Variants in DNAI4 observed in about 807,000 individuals in gnomAD.
The protein encoded by DNAI4 is dynein axonemal intermediate chain 4.
DNAI4 carries 85 observed loss-of-function variants against 105.8 expected under a neutral mutation model. The ratio of observed to expected loss-of-function variants is 0.80; its 90% CI spans 0.67 to 0.96. The LOEUF (loss-of-function observed/expected upper bound fraction) is 0.96. Ranked by LOEUF, DNAI4 falls within the 40% of genes least tolerant of loss-of-function variation. The probability of loss-of-function intolerance (pLI) is 0.00; values close to 1 mark genes in which losing one functional copy is unlikely to be tolerated. For synonymous variants in DNAI4, 352 were observed against 331.5 expected (o/e 1.06, Z -0.67); for missense variants, 1,014 against 1,005.6 (o/e 1.01, Z -0.11).
chr1:66,873,804 C>A (rs1569695011), intron 5 of DNAI4, among the ~76,000 whole-genome samples: 1 of 150,698 alleles, frequency 6.6e-6, no homozygotes, highest in Non-Finnish European at 1.5e-5. Context: ...CATTTCTCCC[C>A]TTCTGATTTC....
chr1:66,889,266 C>A (rs770471628), intron 4 of DNAI4, among the ~76,000 whole-genome samples: 10 of 152,162 alleles, frequency 6.6e-5, no homozygotes, highest in African/African-American at 1.7e-4. Flanking sequence ...ATAAAGGAAG[C>A]GGAATGGCTT....
At chr1:66,871,624 A>G (rs1311772578) in intron 5 of DNAI4, 115 bp from the exon 6 acceptor site, 4 of 1,066,706 alleles carry the variant, frequency 3.7e-6, no homozygotes, top group Non-Finnish European at 5.2e-6. Flanking sequence ...TGCACCAAAA[A>G]GTGAAGTGAG....
intron 7 of DNAI4, among the ~76,000 whole-genome samples, chr1:66,861,938 A>C (rs1569621572): frequency 6.6e-6 from 1 of 152,322 alleles, no homozygotes; most frequent in East Asian, 1.9e-4. Context: ...GAAAGAGACA[A>C]ACTGAAAATT....
intron 14 of DNAI4, among the ~76,000 whole-genome samples, chr1:66,827,371 C>T (rs1194132874): frequency 1.3e-5 from 2 of 151,580 alleles, no homozygotes; most frequent in Non-Finnish European, 2.9e-5. Context: ...AGATATATAG[C>T]CAGGTGCAGT....
rs548130366 is a variant in DNAI4, at chr1:66,882,950, T to G, written c.644-8013A>C. 2.6e-5 allele frequency among the ~76,000 whole-genome samples: 4 copies of G among 152,244 alleles called. No homozygotes were observed. The East Asian group carries it at 7.7e-4, about 29-fold the overall frequency. ...ATGAAATTCATTTATTTATTTTTTTTTACTTCTTTCTTCCCTGTTTTGAGG... is the reference window on the plus strand; with the variant it reads ...ATGAAATTCATTTATTTATTTTTTTGTACTTCTTTCTTCCCTGTTTTGAGG... On this transcript the variant is annotated intron_variant, in intron 4 of 16. Transcript: ENST00000371026.
chr1:66,836,310 A>AAGAG (rs1186572197), intron 10 of DNAI4, among the ~76,000 whole-genome samples: 5 of 145,022 alleles, frequency 3.4e-5, no homozygotes, highest in Middle Eastern at 3.7e-3. Context: ...GAAAGAAAGA[A>AAGAG]AGAAAGAAAG....
Position 66,891,219 on chromosome 1 carries a change from C to A in DNAI4, c.578G>T (p.Ser193Ile), listed in dbSNP as rs1286261101. 6.2e-7 allele frequency: 1 copy of A among 1,613,896 alleles called. No individual in the cohort carries two copies. Among genetic ancestry groups the A allele is most frequent in the East Asian group, 2.2e-5 (1 of 44,838 alleles). ...STVSKSSVSA[S>I]ESIAEDLEEP... The stretch of plus-strand genomic sequence containing the variant: ...TTCCAGGTCTTCTGCTATTGATTCA[C>A]TTGCTGATACACTTGACTTAGAAAC... Residue 193 changes from serine (S) to isoleucine (I), a missense_variant, in exon 4 of 17, where the codon AGT (serine) becomes ATT (isoleucine). By Grantham distance (142) the Ser-to-Ile change is moderately radical. Coordinates refer to ENST00000371026, the MANE Select transcript of DNAI4 (RefSeq NM_024763.5).
intron 4 of DNAI4, among the ~76,000 whole-genome samples, chr1:66,876,100 T>C (rs1646953018): frequency 6.6e-6 from 1 of 151,992 alleles, no homozygotes; most frequent in African/African-American, 2.4e-5. Flanking sequence ...TTTCTATTTG[T>C]GTAATAAATT....
At chr1:66,865,351 G>A (rs1014302985) in intron 6 of DNAI4, among the ~76,000 whole-genome samples, 26 of 152,106 alleles carry the variant, frequency 1.7e-4, no homozygotes, top group Non-Finnish European at 3.4e-4. Context: ...TTGAACCTGG[G>A]AGGCAGAGGT....
chr1:66,833,952 G>A (rs759320344), intron 12 of DNAI4, 39 bp downstream of exon 12: 1 of 1,552,706 alleles, frequency 6.4e-7, no homozygotes, highest in South Asian at 1.2e-5. Flanking sequence ...TTTTAATTCA[G>A]CACGTAACAA....
In DNAI4 at chr1:66,874,689, A is replaced by AC. The variant is rs1646924190; in HGVS notation, c.800+91dup. 9.6e-6 allele frequency: 13 copies of AC among 1,349,360 alleles called. No homozygotes were observed. In the South Asian group the frequency reaches 1.8e-4, roughly 18 times the overall value. 83.6% of individuals were successfully genotyped at this position (1,349,360 alleles called of 1,614,324 possible). ...CAAACCCCATAGTGTATACCCCAGA[A>AC]CCCCCAAGGACCCTTCACAGAAACA... On this transcript the variant is annotated intron_variant, in intron 5 of 16. Coordinates refer to ENST00000371026, the MANE Select transcript of DNAI4 (RefSeq NM_024763.5).
rs781356463 is a variant in DNAI4 at position 66,924,848 on chromosome 1, T to C, written c.-17A>G. 1.3e-5 allele frequency: 21 copies of C among 1,611,198 alleles called. No individual in the cohort carries two copies. In the Admixed American group the frequency reaches 2.0e-4, roughly 15 times the overall value. On this transcript the variant is annotated 5_prime_UTR_variant, in exon 1 of 17. Transcript: ENST00000371026. The stretch of plus-strand genomic sequence containing the variant: ...GGGCGTCATGGCGACGGTGGAGCCC[T>C]GGCTCAACAAGCGGCCGCGCGGTTG...
intron 8 of DNAI4, among the ~76,000 whole-genome samples, chr1:66,845,000 C>A (rs1038472729): frequency 9.9e-5 from 15 of 151,812 alleles, no homozygotes; most frequent in Admixed American, 6.6e-5. Context: ...TCGAGACCAG[C>A]CTGACCAACA....
intron 10 of DNAI4, among the ~76,000 whole-genome samples, chr1:66,836,252 GAGAGAAAGAAAGAAAGAAAGAA>G (rs1212549775): frequency 1.3e-4 from 14 of 111,714 alleles, no homozygotes; most frequent in South Asian, 2.7e-4. Context: ...GAAAGAGAGA[GAGAGAAAGAAAGAAAGAAAGAA>G]AGAAAGAAAG....
In DNAI4 at chr1:66,826,395, T is replaced by C. The variant is rs1645754553; in HGVS notation, c.2339+425A>G. On this transcript the variant is annotated intron_variant, in intron 15 of 16. Transcript: ENST00000371026. ...CTCACTGCAACCTCTGCCTCTTGGG[T>C]TGAAATGATTCTCCTGTTTCAGGCT... Among the ~76,000 whole-genome samples the C allele has an allele frequency of 2.0e-5, 3 of 152,164 alleles. No homozygotes were observed. In the East Asian group the frequency reaches 5.8e-4, roughly 29 times the overall value.
chr1:66,893,095 A>AAGAAAG (rs1553227705), intron 3 of DNAI4, 134 bp downstream of exon 3: 14 of 432,846 alleles, frequency 3.2e-5, no homozygotes, highest in African/African-American at 2.1e-4. Flanking sequence ...GAAAGAAAGA[A>AAGAAAG]AGAAAGAAAG....
intron 16 of DNAI4, among the ~76,000 whole-genome samples, chr1:66,817,854 C>G (rs1645549795): frequency 6.6e-6 from 1 of 152,158 alleles, no homozygotes; most frequent in Non-Finnish European, 1.5e-5. Flanking sequence ...AACAGTAAAA[C>G]AGGGCTCAGG....
intron 6 of DNAI4, among the ~76,000 whole-genome samples, chr1:66,866,970 G>C (rs558916641): frequency 6.6e-6 from 1 of 152,220 alleles, no homozygotes; most frequent in Non-Finnish European, 1.5e-5. Context: ...AGAAAAGCGA[G>C]TGACGAGCGA....
Position 66,836,222 on chromosome 1 carries a change from G to A in DNAI4, c.1582-445C>T, listed in dbSNP as rs3120048. ...AAAGAAAGAAAGAGAGAGAGAGAGA[G>A]AGAGAGAGAGAGAAAGAAAGAAAGA... On this transcript the variant is annotated intron_variant, in intron 10 of 16. Transcript: ENST00000371026. 3.6e-3 allele frequency among the ~76,000 whole-genome samples: 391 copies of A among 109,906 alleles called. 3 individuals are homozygous for A. The highest frequency in any genetic ancestry group is 0.011 in the Middle Eastern group (2 of 182). 72.1% of individuals were successfully genotyped at this position (109,906 alleles called of 152,430 possible).
Sources: gnomAD v4.1 joint callset for allele counts (sites outside exome capture counted in the v4.1 genomes callset) on GRCh38, gnomAD v4.1.1 for gene constraint, MANE v1.5 for transcripts, NCBI Gene and HGNC (gene_info 2026-07-23, HGNC 2026-07-21) for gene names.